Variants in PRKCH observed in about 807,000 individuals in gnomAD.
PRKCH encodes protein kinase C eta type.
In PRKCH, 28 loss-of-function variants were observed where a neutral mutation model predicts 82.5. That is an observed-to-expected ratio of 0.34 (90% confidence interval 0.25 to 0.47). The LOEUF is 0.47. Ranked by LOEUF, PRKCH falls within the 20% of genes least tolerant of loss-of-function variation. PRKCH has a pLI of 1.00. For synonymous variants in PRKCH, 322 were observed against 327.4 expected (o/e 0.98, Z 0.18); for missense variants, 705 against 881.8 (o/e 0.80, Z 2.54).
intron 10 of PRKCH, among the ~76,000 whole-genome samples, chr14:61,507,110 C>T (rs1887183671): frequency 6.6e-6 from 1 of 152,068 alleles, no homozygotes; most frequent in South Asian, 2.1e-4. Context: ...TAATAATAAC[C>T]TGATTAAAAT....
At chr14:61,396,207 T>C (rs1594660197) in intron 2 of PRKCH, among the ~76,000 whole-genome samples, 1 of 151,876 alleles carries the variant, frequency 6.6e-6, no homozygotes, top group African/African-American at 2.4e-5. Context: ...CCTATGCGGG[T>C]TCTGCCATAA....
intron 1 of PRKCH, among the ~76,000 whole-genome samples, chr14:61,272,699 A>C (rs1254614802): frequency 6.6e-6 from 1 of 152,196 alleles, no homozygotes; most frequent in Non-Finnish European, 1.5e-5. Context: ...AAGGCTAAAA[A>C]TGGTCTGTAC....
At chr14:61,271,141 G>A (rs1389618415) in intron 1 of PRKCH, among the ~76,000 whole-genome samples, 3 of 152,168 alleles carry the variant, frequency 2.0e-5, no homozygotes, top group Admixed American at 2.0e-4. Context: ...ATGGACACTA[G>A]TGTACCCACC....
chr14:61,520,581 A>G (rs2042893247), intron 10 of PRKCH, among the ~76,000 whole-genome samples: 1 of 152,250 alleles, frequency 6.6e-6, no homozygotes, highest in Non-Finnish European at 1.5e-5. Flanking sequence ...AAGTTTTTAA[A>G]TGGTTAAACC....
upstream of PRKCH, among the ~76,000 whole-genome samples, chr14:61,316,612 T>C (rs1227159190): frequency 6.6e-6 from 1 of 152,200 alleles, no homozygotes; most frequent in Non-Finnish European, 1.5e-5. Flanking sequence ...CTCCCCTGCT[T>C]TCAGGGTCAG....
At chr14:61,273,551 T>C (rs1412710406) in intron 1 of PRKCH, among the ~76,000 whole-genome samples, 1 of 152,234 alleles carries the variant, frequency 6.6e-6, no homozygotes, top group Non-Finnish European at 1.5e-5. Flanking sequence ...AGGAAATACA[T>C]TGATTACTTT....
intron 1 of PRKCH, among the ~76,000 whole-genome samples, chr14:61,331,609 G>A (rs1412774111): frequency 1.3e-5 from 2 of 152,198 alleles, no homozygotes; most frequent in Non-Finnish European, 2.9e-5. Flanking sequence ...GTACTTTAAT[G>A]GGTGTCAGGA....
chr14:61,244,700 C>T (rs2044865778), intron 1 of PRKCH, among the ~76,000 whole-genome samples: 1 of 152,198 alleles, frequency 6.6e-6, no homozygotes, highest in Non-Finnish European at 1.5e-5. Flanking sequence ...ATCTGGTAGT[C>T]AACCTTTTCC....
chr14:61,349,250 G>C lies in PRKCH; in HGVS notation c.363+26786G>C, dbSNP rs553453324. ...CACTTTAGGGGCATGTCTTGGACTT[G>C]ATGACAGATCTTCCACTATCTTATG... On this transcript the variant is annotated intron_variant, in intron 1 of 13. Coordinates refer to ENST00000332981, the MANE Select transcript of PRKCH (RefSeq NM_006255.5). Among the ~76,000 whole-genome samples the C allele has an allele frequency of 3.3e-5, 5 of 152,312 alleles. No individual in the cohort carries two copies. The East Asian group carries it at 7.7e-4, about 24-fold the overall frequency.
intron 1 of PRKCH, among the ~76,000 whole-genome samples, chr14:61,276,982 A>G (rs2045209240): frequency 6.6e-6 from 1 of 152,112 alleles, no homozygotes; most frequent in Non-Finnish European, 1.5e-5. Context: ...TCAGAAGGTC[A>G]AGACCAGCCT....
At chr14:61,259,236 G>C (rs1331004952) in intron 1 of PRKCH, among the ~76,000 whole-genome samples, 1 of 152,122 alleles carries the variant, frequency 6.6e-6, no homozygotes, top group East Asian at 1.9e-4. Flanking sequence ...GTGATGGGCC[G>C]ATCTAAAGTG....
At chr14:61,265,176 A>G (rs888005018) in intron 1 of PRKCH, among the ~76,000 whole-genome samples, 3 of 152,178 alleles carry the variant, frequency 2.0e-5, no homozygotes, top group African/African-American at 7.2e-5. Context: ...TGACAATTGC[A>G]TTTCTCCTCA....
chr14:61,537,541 G>A (rs2043127806), intron 12 of PRKCH: 1 of 152,190 alleles, frequency 6.6e-6, no homozygotes. Context: ...GAAGGGCTTA[G>A]GGAAGTCCCA....
chr14:61,434,070 A>C (rs1297032496), intron 2 of PRKCH, among the ~76,000 whole-genome samples: 1 of 152,206 alleles, frequency 6.6e-6, no homozygotes, highest in Non-Finnish European at 1.5e-5. Context: ...CTTACATTGC[A>C]TTTACATTAC....
At chr14:61,393,653 G>A (rs1328167948) in intron 2 of PRKCH, among the ~76,000 whole-genome samples, 1 of 152,196 alleles carries the variant, frequency 6.6e-6, no homozygotes, top group African/African-American at 2.4e-5. Context: ...AAGATGTGAG[G>A]GCTTGAAGAG....
At chr14:61,440,472 T>G (rs758413878) in intron 2 of PRKCH, among the ~76,000 whole-genome samples, 6 of 152,208 alleles carry the variant, frequency 3.9e-5, no homozygotes, top group Non-Finnish European at 7.3e-5. Flanking sequence ...TCTGAAGATG[T>G]TGGTGTCTTG....
intron 1 of PRKCH, among the ~76,000 whole-genome samples, chr14:61,316,067 T>C (rs907939821): frequency 2.0e-5 from 3 of 152,250 alleles, no homozygotes; most frequent in Admixed American, 6.5e-5. Context: ...TTTTTTTCTA[T>C]GTTGTTTATC....
intron 1 of PRKCH, among the ~76,000 whole-genome samples, chr14:61,365,895 G>A (rs1323156034): frequency 6.6e-6 from 1 of 152,090 alleles, no homozygotes; most frequent in Non-Finnish European, 1.5e-5. Context: ...ATTCCTACAG[G>A]AGTTCAGAAG....
chr14:61,416,326 A>G (rs78128220), intron 2 of PRKCH, among the ~76,000 whole-genome samples: 2,167 of 152,142 alleles, frequency 0.014, 56 homozygotes, highest in East Asian at 0.13. Flanking sequence ...AAGTGCTGGC[A>G]TTACAGGTGT....
Sources: gnomAD v4.1 joint callset for allele counts (sites outside exome capture counted in the v4.1 genomes callset) on GRCh38, gnomAD v4.1.1 for gene constraint, MANE v1.5 for transcripts, NCBI Gene and HGNC (gene_info 2026-07-23, HGNC 2026-07-21) for gene names.